SOX5: variants seen among roughly 807,000 people sequenced by gnomAD.
SOX5 encodes the protein SRY-box transcription factor 5.
In SOX5, 9 loss-of-function variants were observed where a neutral mutation model predicts 92.0. That is an observed-to-expected ratio of 0.10 (90% CI 0.06 to 0.17). The LOEUF (loss-of-function observed/expected upper bound fraction) is 0.17. SOX5 is among the 10% of genes least tolerant of loss of function. The pLI is 1.00. For synonymous variants in SOX5, 344 were observed against 336.3 expected, an observed-to-expected ratio of 1.02 and a Z score of -0.25; for missense variants, 642 against 944.5, an observed-to-expected ratio of 0.68 and a Z score of 4.20.
intron 1 of SOX5, among the ~76,000 whole-genome samples, chr12:24,455,656 T>G (rs1566207947): frequency 6.6e-6 from 1 of 152,140 alleles, no homozygotes; most frequent in East Asian, 1.9e-4. Flanking sequence ...TCCCTGAAAG[T>G]GATAGCATTC....
chr12:23,823,673 T>C (rs550665819), intron 3 of SOX5, among the ~76,000 whole-genome samples: 4 of 152,290 alleles, frequency 2.6e-5, no homozygotes, highest in South Asian at 2.1e-4. Flanking sequence ...CCTTGCTAGG[T>C]TGGGGAAGTT....
At chr12:23,845,386 A>G (rs1332214406) in intron 3 of SOX5, among the ~76,000 whole-genome samples, 2 of 152,190 alleles carry the variant, frequency 1.3e-5, no homozygotes, top group Non-Finnish European at 2.9e-5. Context: ...TAATTTTAAG[A>G]TTAGTCCATT....
In SOX5 at chr12:24,338,114, T is replaced by A. The variant is rs142215341; in HGVS notation, c.-174+30449A>T. 7.6e-3 allele frequency among the ~76,000 whole-genome samples: 1,155 copies of A among 152,334 alleles called. 5 individuals are homozygous for A. The highest frequency in any genetic ancestry group is 0.012 in the Non-Finnish European group (809 of 68,030). On this transcript the variant is annotated intron_variant, in intron 2 of 4. Coordinates refer to the SOX5 transcript ENST00000446891. ...TAATGGAAAAATTTATTTATCTAGTTGAATATAAATCCTGTAAACCCCAGT... is the reference window on the plus strand; with the variant it reads ...TAATGGAAAAATTTATTTATCTAGTAGAATATAAATCCTGTAAACCCCAGT...
intron 10 of SOX5, among the ~76,000 whole-genome samples, chr12:23,568,891 C>CA (rs11398102): frequency 0.42 from 61,738 of 145,300 alleles, 13,069 homozygotes; most frequent in East Asian, 0.58. Flanking sequence ...AAGAATATCT[C>CA]AAAAAAAAAA....
intron 4 of SOX5, among the ~76,000 whole-genome samples, chr12:23,981,499 A>G (rs1455363088): frequency 6.6e-6 from 1 of 152,252 alleles, no homozygotes; most frequent in Non-Finnish European, 1.5e-5. Flanking sequence ...ACTGCCAGGA[A>G]TAATGAGCAG....
At chr12:23,645,649 C>T (rs1195669308) in intron 7 of SOX5, among the ~76,000 whole-genome samples, 1 of 152,034 alleles carries the variant, frequency 6.6e-6, no homozygotes, top group Non-Finnish European at 1.5e-5. Flanking sequence ...ATTTAAAGCT[C>T]ATTACTTATA....
intron 1 of SOX5, among the ~76,000 whole-genome samples, chr12:24,529,214 G>C (rs1214039473): frequency 6.6e-6 from 1 of 152,152 alleles, no homozygotes; most frequent in Non-Finnish European, 1.5e-5. Context: ...TGAATATGGA[G>C]AGAATAAAAG....
intron 1 of SOX5, chr12:23,920,529 T>C (rs1486618922): frequency 6.6e-6 from 1 of 152,212 alleles, no homozygotes; most frequent in East Asian, 1.9e-4. Flanking sequence ...AAGTTGAGTA[T>C]AGGAATCACA....
intron 6 of SOX5, among the ~76,000 whole-genome samples, chr12:23,689,777 G>A (rs2088403459): frequency 6.6e-6 from 1 of 152,130 alleles, no homozygotes; most frequent in African/African-American, 2.4e-5. Flanking sequence ...TGAGAGAAGA[G>A]AATAAGGAAT....
chr12:24,376,690 CTTTTTTTTTTTTTTTTTTTTTT>C (rs1164391418), intron 1 of SOX5, among the ~76,000 whole-genome samples: 42 of 70,612 alleles, frequency 5.9e-4, no homozygotes, highest in African/African-American at 2.1e-3. Flanking sequence ...GGAGAGATAC[CTTTTTTTTTTTTTTTTTTTTTT>C]TTTTTTTTTT....
intron 6 of SOX5, among the ~76,000 whole-genome samples, chr12:23,719,102 G>A (rs1220288179): frequency 6.6e-6 from 1 of 152,142 alleles, no homozygotes; most frequent in Non-Finnish European, 1.5e-5. Flanking sequence ...ACTCAAGAAT[G>A]TCCATGGATT....
At chr12:23,674,054 T>C (rs890220048) in intron 6 of SOX5, among the ~76,000 whole-genome samples, 1 of 152,190 alleles carries the variant, frequency 6.6e-6, no homozygotes, top group Non-Finnish European at 1.5e-5. Flanking sequence ...TGCATTTTTA[T>C]AAAGGGCTGT....
chr12:23,888,137 A>G (rs2097091001), intron 2 of SOX5, among the ~76,000 whole-genome samples: 1 of 152,180 alleles, frequency 6.6e-6, no homozygotes, highest in Non-Finnish European at 1.5e-5. Flanking sequence ...CAAAAACTAC[A>G]TGAGGGAAGA....
Position 23,794,668 on chromosome 12 carries a change from T to C in SOX5, c.482-38944A>G, listed in dbSNP as rs552979639. ...CCTTGTAAGAAGAACGTTTAAAAAC[T>C]ATTTCTGTAAAAATATACAAATAAT... On this transcript the variant is annotated intron_variant, in intron 3 of 14. Transcript: ENST00000451604. Among the ~76,000 whole-genome samples, 6 of 152,280 alleles carry C rather than the reference T, an allele frequency of 3.9e-5. No individual in the cohort carries two copies. In the South Asian group the frequency reaches 1.2e-3, roughly 32 times the overall value.
chr12:24,335,993 A>ATATATAT (rs1395314485), intron 2 of SOX5, among the ~76,000 whole-genome samples: 13 of 138,344 alleles, frequency 9.4e-5, no homozygotes, highest in South Asian at 2.3e-4. Flanking sequence ...ATATATCCAT[A>ATATATAT]ATATTAAATT....
chr12:24,190,831 G>T (rs1956450943), intron 4 of SOX5, among the ~76,000 whole-genome samples: 1 of 152,042 alleles, frequency 6.6e-6, no homozygotes, highest in Non-Finnish European at 1.5e-5. Flanking sequence ...TTAAATCAAT[G>T]GATTATGGTA....
rs10687571 is a variant in SOX5, at chr12:24,050,084, CAAAAAAAAAA to C, written c.-1-154070_-1-154061del. Among the ~76,000 whole-genome samples, 2 of 74,262 alleles carry C rather than the reference CAAAAAAAAAA, an allele frequency of 2.7e-5. 1 individual carries two copies. Among genetic ancestry groups the C allele is most frequent in the Non-Finnish European group, 4.7e-5 (2 of 42,720 alleles). The allele number at this position is 74,262 out of a possible 152,430, so 48.7% of individuals were successfully genotyped here. On this transcript the variant is annotated intron_variant, in intron 4 of 4. Transcript: ENST00000446891. Reference sequence around the variant, plus strand: ...CTTTCACATGCTGTGGGCGCAGAGGCAAAAAAAAAAAAAAAAAAAAAAGTGAAAGGGAAAA... The same window carrying C: ...CTTTCACATGCTGTGGGCGCAGAGGCAAAAAAAAAAAAGTGAAAGGGAAAA...
At chr12:24,395,755 G>A (rs1382068239) in intron 1 of SOX5, among the ~76,000 whole-genome samples, 1 of 152,204 alleles carries the variant, frequency 6.6e-6, no homozygotes, top group Non-Finnish European at 1.5e-5. Flanking sequence ...GACCCTGACA[G>A]GCTGGTGCCT....
intron 4 of SOX5, among the ~76,000 whole-genome samples, chr12:23,747,976 A>AAG (rs2094050603): frequency 1.3e-5 from 2 of 151,050 alleles, no homozygotes; most frequent in Non-Finnish European, 3.0e-5. Flanking sequence ...AAAAAAAAAA[A>AAG]CGAATACAAT....
Sources: gnomAD v4.1 joint callset for allele counts (sites outside exome capture counted in the v4.1 genomes callset) on GRCh38, gnomAD v4.1.1 for gene constraint, MANE v1.5 for transcripts, NCBI Gene and HGNC (gene_info 2026-07-23, HGNC 2026-07-21) for gene names.